The following NES variants were observed in gnomAD, a reference collection of about 807,000 sequenced individuals.
The protein encoded by NES is nestin.
A neutral mutation model predicts 35.6 loss-of-function variants in NES; 27 were observed. That is an observed-to-expected ratio of 0.76 (90% CI 0.56 to 1.04). The LOEUF (loss-of-function observed/expected upper bound fraction) is 1.04. Ranked by LOEUF, NES falls within the 50% of genes least tolerant of loss-of-function variation. The probability of loss-of-function intolerance (pLI) is 0.00; values close to 1 mark genes in which losing one functional copy is unlikely to be tolerated. For synonymous variants in NES, 822 were observed against 824.2 expected (o/e 1.00, Z 0.04); for missense variants, 1,867 against 1,983.6 (o/e 0.94, Z 1.12).
At chr1:156,674,591 A>G (rs746357661) in intron 2 of NES, among the ~76,000 whole-genome samples, 5 of 152,232 alleles carry the variant, frequency 3.3e-5, no homozygotes, top group Non-Finnish European at 7.3e-5. Flanking sequence ...GCTTTGCCCA[A>G]GGCCACATAG....
intron 2 of NES, 50 bp downstream of exon 2, chr1:156,675,166 G>A: frequency 6.3e-7 from 1 of 1,592,680 alleles, no homozygotes; most frequent in Non-Finnish European, 8.6e-7. Context: ...GTCTGCCCCA[G>A]CATGTGTGTG....
At chr1:156,674,288 G>A (rs1004246471) in intron 2 of NES, among the ~76,000 whole-genome samples, 1 of 152,062 alleles carries the variant, frequency 6.6e-6, no homozygotes, top group African/African-American at 2.4e-5. Context: ...CTTAGGATGA[G>A]CAGCTGCTCC....
Position 156,671,310 on chromosome 1 carries a change from C to T in NES, c.2878G>A (p.Glu960Lys). The T allele has an allele frequency of 1.9e-6, 3 of 1,614,154 alleles. No homozygotes were observed. Among genetic ancestry groups the T allele is most frequent in the Non-Finnish European group, 2.5e-6 (3 of 1,180,032 alleles). ...RWEDTVEKDQ[E>K]LAQESPPGMA... ...CCAGGAGGGCTTTCCTGAGCCAGTT[C>T]TTGGTCCTTCTCCACCGTATCTTCC... Residue 960 changes from glutamate to lysine, a missense_variant, in exon 4 of 4, where the codon GAA becomes AAA. Physicochemically the swap from Glu to Lys is moderately conservative, Grantham distance 56. Transcript: ENST00000368223.
chr1:156,676,920 G>C lies in NES; in HGVS notation c.345C>G (p.Ala115=). 1.3e-6 allele frequency: 2 copies of C among 1,552,814 alleles called. No individual in the cohort carries two copies. The highest frequency in any genetic ancestry group is 1.7e-6 in the Non-Finnish European group (2 of 1,158,504). The stretch of plus-strand genomic sequence containing the variant: ...CCCGGGCGCATTTCTCTGCCTCGAC[G>C]GCGCGCCGGTTGCGGGCTACCTCCT... The part of the protein sequence containing the change: ...TTEEVARNRR[A]VEAEKCARAW... The change falls in exon 1 of 4, where the codon GCC becomes GCG. Residue 115 remains alanine (A), a synonymous_variant. Coordinates refer to ENST00000368223, the MANE Select transcript of NES (RefSeq NM_006617.2). This position sits in a 1 kb window ranked among gnomAD's most constrained non-coding sequence, Gnocchi z 5.3.
rs530339843 is a variant in NES at position 156,668,785 on chromosome 1, A to G, written c.*537T>C. On this transcript the variant is annotated 3_prime_UTR_variant, in exon 4 of 4. Coordinates refer to ENST00000368223, the MANE Select transcript of NES (RefSeq NM_006617.2). ...GACTTTGAAGCGGAGGCATTACTTT[A>G]TTCAGGCAGGGACTAGCCAGGCAGG... 6.6e-6 allele frequency: 1 copy of G among 151,272 alleles called. No homozygotes were observed. The highest frequency in any genetic ancestry group is 2.4e-5 in the African/African-American group (1 of 41,006). The allele number at this position is 151,272 out of a possible 1,614,324, so 9.4% of individuals were successfully genotyped here. A position where few individuals can be genotyped will look rare whatever the true frequency, so the allele number is the denominator to read the frequency against.
chr1:156,669,671 G>T lies in NES; in HGVS notation c.4517C>A (p.Ser1506Tyr). The change falls in exon 4 of 4, where the codon TCC becomes TAC. Residue 1506 changes from serine to tyrosine, a missense_variant. Coordinates refer to ENST00000368223, the MANE Select transcript of NES (RefSeq NM_006617.2). ...SGSEEESDPV[S>Y]LEREDKVPGP... ...AGGGACTTTGTCCTCCCTCTCCAAG[G>T]AAACAGGGTCAGACTCTTCCTCTGA... is the stretch of plus-strand genomic sequence containing the variant. 6.2e-7 allele frequency: 1 copy of T among 1,614,048 alleles called. No homozygotes were observed. The highest frequency in any genetic ancestry group is 1.3e-5 in the African/African-American group (1 of 75,018).
Position 156,672,684 on chromosome 1 carries a change from A to C in NES, c.1504T>G (p.Trp502Gly). 1 of 1,613,816 alleles carries C rather than the reference A, an allele frequency of 6.2e-7. No individual in the cohort carries two copies. Among genetic ancestry groups the C allele is most frequent in the Non-Finnish European group, 8.5e-7 (1 of 1,180,032 alleles). ...GCTGTTTCTTTCTCTACCAACCCCCAGATTTGCCCTTCACCTTCCCCTCGG... is the reference window on the plus strand; with the variant it reads ...GCTGTTTCTTTCTCTACCAACCCCCCGATTTGCCCTTCACCTTCCCCTCGG... ...ICRGEGEGQI[W>G]GLVEKETAIE... Residue 502 changes from tryptophan (W) to glycine (G), a missense_variant, in exon 4 of 4, where the codon TGG (tryptophan) becomes GGG (glycine). Trp to Gly is a radical substitution (Grantham distance 184). Transcript: ENST00000368223.
Position 156,669,211 on chromosome 1 carries a change from T to C in NES, c.*111A>G, listed in dbSNP as rs751214963. The C allele has an allele frequency of 5.9e-5, 42 of 713,556 alleles. 1 individual carries two copies. Among genetic ancestry groups the C allele is most frequent in the Non-Finnish European group, 9.0e-5 (41 of 454,490 alleles). The allele number at this position is 713,556 out of a possible 1,614,324, so 44.2% of individuals were successfully genotyped here. On this transcript the variant is annotated 3_prime_UTR_variant, in exon 4 of 4. Transcript: ENST00000368223. ...CCAGGCCTCTCAGCCAGAAACCATATGTCAAGAGATCGTAAGTTAAGAGTG... is the reference window on the plus strand; with the variant it reads ...CCAGGCCTCTCAGCCAGAAACCATACGTCAAGAGATCGTAAGTTAAGAGTG...
At chr1:156,674,988 T>TG (rs200367989) in intron 2 of NES, among the ~76,000 whole-genome samples, 1,561 of 152,292 alleles carry the variant, frequency 0.01, 15 homozygotes, top group Non-Finnish European at 0.017. Context: ...TCATCTCTCC[T>TG]GGGGGGATTT....
At position 156,670,536 on chromosome 1, in the gene NES, G is replaced by A. The variant is rs1679696204; in HGVS notation, c.3652C>T (p.Leu1218=). The change falls in exon 4 of 4, where the codon CTG becomes TTG. Residue 1218 remains leucine (L), a synonymous_variant. Transcript: ENST00000368223. ...GTGTACGTTGGGCTGGGGGAGACCA[G>A]CACTGGTGGTACATCCTCCTCAGCT... ...EEAEEDVPPV[L]VSPSPTYTPI... is the part of the protein sequence containing the mutation. 7 of 1,608,590 alleles carry A rather than the reference G, an allele frequency of 4.4e-6. No individual in the cohort carries two copies. Among genetic ancestry groups the A allele is most frequent in the African/African-American group, 1.3e-5 (1 of 74,820 alleles).
In NES at chr1:156,671,039, GC is replaced by G. The variant is rs1314116307; in HGVS notation, c.3148del (p.Ala1050ProfsTer14). 6.2e-7 allele frequency: 1 copy of G among 1,612,938 alleles called. No individual in the cohort carries two copies. The highest frequency in any genetic ancestry group is 1.3e-5 in the African/African-American group (1 of 74,870). ...CCCCTGGGGAGCCTGGAGGCCTGGG[GC>G]CCCCACCTGTTGTGATTGCCCTTCA... ...DPEGQSQQVG[A>X]PGLQAPQGLP... is the part of the protein sequence containing the mutation. On this transcript the variant is annotated frameshift_variant, in exon 4 of 4. Transcript: ENST00000368223. LOFTEE classifies it low-confidence loss of function (END_TRUNC).
In NES at chr1:156,669,987, C is replaced by G; in HGVS notation, c.4201G>C (p.Ala1401Pro). Residue 1401 changes from alanine (A) to proline (P), a missense_variant, in exon 4 of 4, where the codon GCA becomes CCA. Physicochemically the swap from Ala to Pro is conservative, Grantham distance 27. Coordinates refer to ENST00000368223, the MANE Select transcript of NES (RefSeq NM_006617.2). ...GACTCCCCATCTCGATCCCAGGCTG[C>G]AGGATCCAGTAGCAGCTGGGGCACC... ...GQVPQLLLDP[A>P]AWDRDGESDG... is the part of the protein sequence containing the mutation. The G allele has an allele frequency of 6.2e-7, 1 of 1,613,890 alleles. No homozygotes were observed. The highest frequency in any genetic ancestry group is 8.5e-7 in the Non-Finnish European group (1 of 1,179,962).
chr1:156,672,882 T>C lies in NES; in HGVS notation c.1306A>G (p.Ile436Val), dbSNP rs371529372. ...EPLRAEARVA[I>V]PASVLPGPEE... ...GGTCCAGGCAGGACGCTGGCAGGAA[T>C]GGCCACCCTGGCTTCAGCCCGCAGG... The change falls in exon 4 of 4, where the codon ATT (isoleucine) becomes GTT (valine). Residue 436 changes from isoleucine (I) to valine (V), a missense_variant. By Grantham distance (29) the Ile-to-Val change is conservative (BLOSUM62 3). Transcript: ENST00000368223. 1 of 1,613,894 alleles carries C rather than the reference T, an allele frequency of 6.2e-7. No homozygotes were observed. The highest frequency in any genetic ancestry group is 1.1e-5 in the South Asian group (1 of 91,080).
rs758826395 is a variant in NES at position 156,676,467 on chromosome 1, C to T, written c.783+15G>A. On this transcript the variant is annotated intron_variant, in intron 1 of 3. Transcript: ENST00000368223. The surrounding 1 kb of genome is among the most constrained non-coding windows in gnomAD (Gnocchi z 5.3). ...TTCTGGGACTTTCTCTCACCCAGGCCCTCAACCTCCTCACCTGGAACTTTT... is the reference window on the plus strand; with the variant it reads ...TTCTGGGACTTTCTCTCACCCAGGCTCTCAACCTCCTCACCTGGAACTTTT... 4 of 1,596,690 alleles carry T rather than the reference C, an allele frequency of 2.5e-6. No individual in the cohort carries two copies. The highest frequency in any genetic ancestry group is 3.4e-6 in the Non-Finnish European group (4 of 1,178,934).
At chr1:156,675,751 G>A (rs1647263819) in intron 1 of NES, among the ~76,000 whole-genome samples, 1 of 152,118 alleles carries the variant, frequency 6.6e-6, no homozygotes, top group Non-Finnish European at 1.5e-5. Flanking sequence ...AGGACTGGAA[G>A]GCAAACAGCC....
In NES at chr1:156,671,558, T is replaced by A; in HGVS notation, c.2630A>T (p.Asn877Ile). The A allele has an allele frequency of 6.2e-7, 1 of 1,613,998 alleles. No homozygotes were observed. The stretch of plus-strand genomic sequence containing the variant: ...TTCCAGGAGTCTGAATGTCTCTTGG[T>A]TCACTTCCACAGACTCCAGTGGTTC... ...IQEPLESVEV[N>I]QETFRLLEEE... The change falls in exon 4 of 4, where the codon AAC becomes ATC. Residue 877 changes from asparagine (N) to isoleucine (I), a missense_variant. By Grantham distance (149) the Asn-to-Ile change is moderately radical. Transcript: ENST00000368223.
chr1:156,668,920 C>T lies in NES; in HGVS notation c.*402G>A, dbSNP rs1178661213. On this transcript the variant is annotated 3_prime_UTR_variant, in exon 4 of 4. Transcript: ENST00000368223. The stretch of plus-strand genomic sequence containing the variant: ...CGTGCTACTGCAGTGAGATGGTGCA[C>T]TACTGCAGTGAGGTGGCGCAGGGCT... The T allele has an allele frequency of 5.9e-6, 1 of 170,936 alleles. No homozygotes were observed. Among genetic ancestry groups the T allele is most frequent in the Non-Finnish European group, 1.2e-5 (1 of 80,250 alleles). 10.6% of individuals were successfully genotyped at this position (170,936 alleles called of 1,614,324 possible). A position where few individuals can be genotyped will look rare whatever the true frequency, so the allele number is the denominator to read the frequency against.
In NES at chr1:156,675,308, C is replaced by T; in HGVS notation, c.816G>A (p.Gln272=). The change falls in exon 2 of 4, where the codon CAG becomes CAA. Residue 272 remains glutamine, a synonymous_variant. Transcript: ENST00000368223. ...LAVEALEQEK[Q]GLQSQIAQVL... ...CCTGAGCGATCTGGCTCTGTAGGCC[C>T]TGTTTCTCCTGCTCCAGGGCCTCCA... The T allele has an allele frequency of 1.9e-6, 3 of 1,612,800 alleles. No individual in the cohort carries two copies. The highest frequency in any genetic ancestry group is 2.5e-6 in the Non-Finnish European group (3 of 1,179,442).
chr1:156,669,185 G>T lies in NES; in HGVS notation c.*137C>A. The T allele has an allele frequency of 1.7e-6, 1 of 580,550 alleles. No homozygotes were observed. The highest frequency in any genetic ancestry group is 2.9e-6 in the Non-Finnish European group (1 of 348,156). 36.0% of individuals were successfully genotyped at this position (580,550 alleles called of 1,614,324 possible). On this transcript the variant is annotated 3_prime_UTR_variant, in exon 4 of 4. Coordinates refer to ENST00000368223, the MANE Select transcript of NES (RefSeq NM_006617.2). ...GCCACACCCCTTTTCACCTTAGCGG[G>T]CCAGGCCTCTCAGCCAGAAACCATA... is the stretch of plus-strand genomic sequence containing the variant.
Sources: gnomAD v4.1 joint callset for allele counts (sites outside exome capture counted in the v4.1 genomes callset) on GRCh38, gnomAD v4.1.1 for gene constraint, Gnocchi (gnomAD v3.1) non-coding constraint, MANE v1.5 for transcripts, NCBI Gene and HGNC (gene_info 2026-07-23, HGNC 2026-07-21) for gene names.